TTC1: variants seen among roughly 807,000 people sequenced by gnomAD.
The protein encoded by TTC1 is tetratricopeptide repeat protein 1.
In TTC1, 31 loss-of-function variants were observed where a neutral mutation model predicts 37.6. The ratio of observed to expected loss-of-function variants is 0.82; its 90% CI spans 0.62 to 1.11. The LOEUF (loss-of-function observed/expected upper bound fraction) is 1.11. Among genes scored for constraint, TTC1 ranks in the 50% most tolerant of loss-of-function variants. The pLI, the probability that TTC1 is intolerant of heterozygous loss-of-function variation, is 0.00. For missense variants in TTC1, 351 were observed against 339.0 expected, an observed-to-expected ratio of 1.04 and a Z score of -0.28; for synonymous variants, 127 against 122.4, an observed-to-expected ratio of 1.04 and a Z score of -0.25.
chr5:160,064,687 G>A (rs1753545904), intron 7 of TTC1, among the ~76,000 whole-genome samples: 1 of 152,150 alleles, frequency 6.6e-6, no homozygotes, highest in South Asian at 2.1e-4. Context: ...AGAGCCAGCA[G>A]GACTCCACTC....
intron 7 of TTC1, among the ~76,000 whole-genome samples, chr5:160,064,050 C>A (rs548520566): frequency 4.1e-5 from 6 of 148,054 alleles, no homozygotes; most frequent in African/African-American, 1.5e-4. Flanking sequence ...CTCACTGCAA[C>A]CTCTGCCTCC....
chr5:160,047,598 GTCTGAAGCT>G (rs1757285645), intron 5 of TTC1, among the ~76,000 whole-genome samples: 1 of 152,172 alleles, frequency 6.6e-6, no homozygotes, highest in Non-Finnish European at 1.5e-5. Context: ...ATCAGAGTAT[GTCTGAAGCT>G]TGCTTGAAAA....
intron 7 of TTC1, among the ~76,000 whole-genome samples, chr5:160,062,961 T>C (rs1581132364): frequency 6.6e-6 from 1 of 152,214 alleles, no homozygotes; most frequent in Admixed American, 6.5e-5. Flanking sequence ...TGCCCGAGGC[T>C]GTGCCGCTGC....
intron 2 of TTC1, among the ~76,000 whole-genome samples, chr5:160,015,841 G>A (rs1350799042): frequency 1.3e-5 from 2 of 152,154 alleles, no homozygotes; most frequent in African/African-American, 4.8e-5. Flanking sequence ...AGTGGGGCCA[G>A]GCTTATGAGA....
At position 160,049,588 on chromosome 5, in the gene TTC1, GA is replaced by G; in HGVS notation, c.617del (p.Asp206ValfsTer11). The G allele has an allele frequency of 6.2e-7, 1 of 1,612,512 alleles. No homozygotes were observed. Among genetic ancestry groups the G allele is most frequent in the Non-Finnish European group, 8.5e-7 (1 of 1,179,396 alleles). ...GTTGTATGAGAAGACGGACAAGCTA[GA>G]TGAAGCCCTGGAAGACTATAAATCT... ...AELYEKTDKL[D>X]EALEDYKSIL... On this transcript the variant is annotated frameshift_variant, in exon 6 of 8. Transcript: ENST00000231238. LOFTEE classifies it high-confidence loss of function.
intron 4 of TTC1, among the ~76,000 whole-genome samples, chr5:160,041,247 T>C (rs574835496): frequency 5.5e-4 from 83 of 152,166 alleles, no homozygotes; most frequent in African/African-American, 1.9e-3. Flanking sequence ...AAGTAGTGTA[T>C]AGTAAATACA....
intron 2 of TTC1, among the ~76,000 whole-genome samples, chr5:160,031,618 AAAAT>A (rs918279200): frequency 3.9e-5 from 6 of 152,116 alleles, no homozygotes; most frequent in African/African-American, 1.2e-4. Flanking sequence ...TGTCTCAAAA[AAAAT>A]AAATAAATAA....
chr5:160,021,455 A>T (rs911308296), intron 2 of TTC1, among the ~76,000 whole-genome samples: 2 of 152,208 alleles, frequency 1.3e-5, no homozygotes, highest in African/African-American at 4.8e-5. Context: ...TAGAAAATTT[A>T]TTTCTGTTAA....
intron 2 of TTC1, among the ~76,000 whole-genome samples, chr5:160,034,930 GT>G (rs907524172): frequency 2.4e-4 from 36 of 152,220 alleles, no homozygotes; most frequent in African/African-American, 8.4e-4. Flanking sequence ...TACATTTTTT[GT>G]TTTAAACATC....
At chr5:160,056,245 C>T (rs1295187197) in intron 7 of TTC1, among the ~76,000 whole-genome samples, 1 of 152,242 alleles carries the variant, frequency 6.6e-6, no homozygotes, top group Non-Finnish European at 1.5e-5. Context: ...CTGCCCTGGC[C>T]ACTCTGGCAC....
At chr5:160,023,272 T>A (rs1756744068) in intron 2 of TTC1, among the ~76,000 whole-genome samples, 1 of 144,598 alleles carries the variant, frequency 6.9e-6, no homozygotes, top group Non-Finnish European at 1.5e-5. Context: ...AAAAAAAAAA[T>A]TAGGCAAAAT....
chr5:160,048,099 G>GA (rs1190643338), intron 5 of TTC1, among the ~76,000 whole-genome samples: 2 of 92,616 alleles, frequency 2.2e-5, no homozygotes, highest in East Asian at 3.3e-4. Context: ...TATGAGAAAA[G>GA]AAAAAAGTTC....
chr5:160,041,696 A>G (rs768468725), intron 4 of TTC1, among the ~76,000 whole-genome samples: 1 of 152,138 alleles, frequency 6.6e-6, no homozygotes, highest in Non-Finnish European at 1.5e-5. Flanking sequence ...AGGTTATGCC[A>G]TGATGTTATG....
chr5:160,064,071 C>A (rs1184454467), intron 7 of TTC1, among the ~76,000 whole-genome samples: 2 of 147,134 alleles, frequency 1.4e-5, no homozygotes, highest in African/African-American at 2.5e-5. Context: ...CAGGTGCAAA[C>A]GATTGTCCTG....
At chr5:160,014,778 G>A (rs1581091739) in intron 2 of TTC1, among the ~76,000 whole-genome samples, 1 of 152,136 alleles carries the variant, frequency 6.6e-6, no homozygotes, top group Admixed American at 6.5e-5. Context: ...CAGCATTAAC[G>A]CTGATTCTCT....
At position 160,057,849 on chromosome 5, in the gene TTC1, A is replaced by G. The variant is rs910603698; in HGVS notation, c.745+6666A>G. On this transcript the variant is annotated intron_variant, in intron 7 of 7. Coordinates refer to ENST00000231238, the MANE Select transcript of TTC1 (RefSeq NM_003314.3). The surrounding 1 kb of genome is among the most constrained non-coding windows in gnomAD (Gnocchi z 4.4). Reference sequence around the variant, plus strand: ...AGTGGCACAATCTTGGCTCACTGCAACCCCGCCTCCTGGGTTCAAACAATT... The same window carrying G: ...AGTGGCACAATCTTGGCTCACTGCAGCCCCGCCTCCTGGGTTCAAACAATT... Among the ~76,000 whole-genome samples, 31 of 152,000 alleles carry G rather than the reference A, an allele frequency of 2.0e-4. No individual in the cohort carries two copies. Among genetic ancestry groups the G allele is most frequent in the African/African-American group, 5.8e-4 (24 of 41,370 alleles).
At chr5:160,012,602 C>G (rs958021318) in intron 2 of TTC1, among the ~76,000 whole-genome samples, 1 of 152,142 alleles carries the variant, frequency 6.6e-6, no homozygotes, top group Non-Finnish European at 1.5e-5. Flanking sequence ...CTCCTGGGCT[C>G]AAGCAGTCCT....
At chr5:160,018,171 G>C (rs776268771) in intron 2 of TTC1, among the ~76,000 whole-genome samples, 3 of 152,158 alleles carry the variant, frequency 2.0e-5, no homozygotes, top group Non-Finnish European at 4.4e-5. Flanking sequence ...ACAAAGTGAG[G>C]ATGCAGAAAG....
chr5:160,038,770 C>G (rs1267974851), intron 4 of TTC1: 1 of 146,950 alleles, frequency 6.8e-6, no homozygotes, highest in Non-Finnish European at 1.5e-5. Flanking sequence ...TCAAGCGATT[C>G]TCCTGCCTCA....
Sources: gnomAD v4.1 joint callset for allele counts (sites outside exome capture counted in the v4.1 genomes callset) on GRCh38, gnomAD v4.1.1 for gene constraint, Gnocchi (gnomAD v3.1) non-coding constraint, MANE v1.5 for transcripts, NCBI Gene and HGNC (gene_info 2026-07-23, HGNC 2026-07-21) for gene names.